The following MYO1B variants were observed in gnomAD, a reference collection of about 807,000 sequenced individuals.
The protein encoded by MYO1B is unconventional myosin-Ib.
In MYO1B, 72 loss-of-function variants were observed where a neutral mutation model predicts 159.7. That is an observed-to-expected ratio of 0.45 (90% confidence interval 0.37 to 0.55). The LOEUF (loss-of-function observed/expected upper bound fraction) is 0.55, where lower values mean the gene tolerates loss of function less well. Among genes scored for constraint, MYO1B ranks in the 20% least tolerant of loss-of-function variants. The pLI, the probability that MYO1B is intolerant of heterozygous loss-of-function variation, is 0.00. For missense variants in MYO1B, 1,062 were observed against 1,364.8 expected, an observed-to-expected ratio of 0.78 and a Z score of 3.50; for synonymous variants, 468 against 473.8, an observed-to-expected ratio of 0.99 and a Z score of 0.16.
chr2:191,386,095 G>C lies in MYO1B; in HGVS notation c.1554+11G>C. The C allele has an allele frequency of 6.2e-7, 1 of 1,613,462 alleles. No homozygotes were observed. The highest frequency in any genetic ancestry group is 8.5e-7 in the Non-Finnish European group (1 of 1,179,610). On this transcript the variant is annotated intron_variant, in intron 16 of 30. Transcript: ENST00000392318. ...CATTATGCTGGAAAGGTATGGGGGA[G>C]CTGTGAGCACCCAGTCAGGCCTGCC...
chr2:191,360,625 C>G lies in MYO1B; in HGVS notation c.563-6C>G. ...TGCCATACTATGATTTAACTCTTCT[C>G]TTTAGATCTTTTAGAGAAATCTCGG... On this transcript the variant is annotated splice_polypyrimidine_tract_variant and splice_region_variant and intron_variant, in intron 7 of 30. Transcript: ENST00000392318. 1.9e-6 allele frequency: 3 copies of G among 1,591,928 alleles called. No homozygotes were observed. In the South Asian group the frequency reaches 3.3e-5, roughly 18 times the overall value.
intron 2 of MYO1B, among the ~76,000 whole-genome samples, chr2:191,293,543 G>A (rs1688804960): frequency 6.6e-6 from 1 of 152,176 alleles, no homozygotes; most frequent in Non-Finnish European, 1.5e-5. Flanking sequence ...TGCTCAATAA[G>A]GAGTGGATTA....
intron 7 of MYO1B, among the ~76,000 whole-genome samples, chr2:191,359,879 TC>T (rs1275763977): frequency 6.6e-6 from 1 of 152,220 alleles, no homozygotes; most frequent in African/African-American, 2.4e-5. Flanking sequence ...ATCCTCGTCA[TC>T]CCTCCCTTCC....
chr2:191,358,134 T>C (rs1177833648), intron 7 of MYO1B, among the ~76,000 whole-genome samples: 1 of 152,094 alleles, frequency 6.6e-6, no homozygotes, highest in Non-Finnish European at 1.5e-5. Flanking sequence ...TTATAAAGAC[T>C]GTAAGCATGA....
chr2:191,372,032 A>G (rs1202521064), intron 13 of MYO1B, among the ~76,000 whole-genome samples: 1 of 152,256 alleles, frequency 6.6e-6, no homozygotes, highest in Admixed American at 6.5e-5. Flanking sequence ...ACCTCAAGTT[A>G]CTATCACTAA....
rs535957720 is a variant in MYO1B at position 191,409,836 on chromosome 2, C to G, written c.2766+658C>G. On this transcript the variant is annotated intron_variant, in intron 26 of 30. Transcript: ENST00000392318. ...ATAGATGTTGACCTTACTTCGATAA[C>G]CTAGTCAGTTGATATGTGGAATGTT... Among the ~76,000 whole-genome samples the G allele has an allele frequency of 6.6e-4, 100 of 152,220 alleles. 1 individual carries two copies. The highest frequency in any genetic ancestry group is 1.6e-3 in the Admixed American group (24 of 15,304).
intron 3 of MYO1B, among the ~76,000 whole-genome samples, chr2:191,296,703 C>T (rs1689005089): frequency 6.6e-6 from 1 of 152,202 alleles, no homozygotes; most frequent in African/African-American, 2.4e-5. Flanking sequence ...AGTGATTTCA[C>T]TTACTCTGGA....
intron 6 of MYO1B, among the ~76,000 whole-genome samples, chr2:191,349,754 A>C (rs1692793974): frequency 6.6e-6 from 1 of 152,234 alleles, no homozygotes; most frequent in Non-Finnish European, 1.5e-5. Flanking sequence ...GATATGTTTC[A>C]AGTTCCTAGC....
At chr2:191,254,891 A>T (rs1686343981) in intron 1 of MYO1B, among the ~76,000 whole-genome samples, 1 of 152,140 alleles carries the variant, frequency 6.6e-6, no homozygotes, top group African/African-American at 2.4e-5. Context: ...TTAGGTGCCT[A>T]GTATGTTTCA....
chr2:191,329,794 A>T, intron 3 of MYO1B, 141 bp from the exon 4 acceptor site: 1 of 597,186 alleles, frequency 1.7e-6, no homozygotes, highest in Non-Finnish European at 2.9e-6. Flanking sequence ...ATGGATTTTA[A>T]GAATTCAAAG....
chr2:191,401,496 A>G (rs893015094), intron 23 of MYO1B: 1 of 152,232 alleles, frequency 6.6e-6, no homozygotes, highest in African/African-American at 2.4e-5. Flanking sequence ...CCCCAGGCAT[A>G]GTCGTGGGCT....
chr2:191,366,525 T>C (rs1353089542), intron 11 of MYO1B, among the ~76,000 whole-genome samples: 1 of 152,090 alleles, frequency 6.6e-6, no homozygotes, highest in Non-Finnish European at 1.5e-5. Context: ...AGCATCATCT[T>C]TATTGCCCCA....
At chr2:191,299,034 G>A (rs1466635613) in intron 3 of MYO1B, among the ~76,000 whole-genome samples, 1 of 152,120 alleles carries the variant, frequency 6.6e-6, no homozygotes. Flanking sequence ...TTGTCCACAT[G>A]CTCTTTTTGC....
At chr2:191,394,401 T>C (rs1260981105) in intron 20 of MYO1B, among the ~76,000 whole-genome samples, 1 of 152,216 alleles carries the variant, frequency 6.6e-6, no homozygotes, top group Non-Finnish European at 1.5e-5. Flanking sequence ...AGGAGCCCTT[T>C]TTATAATTTC....
intron 3 of MYO1B, among the ~76,000 whole-genome samples, chr2:191,329,438 T>C (rs1192241879): frequency 2.0e-5 from 3 of 151,972 alleles, no homozygotes; most frequent in African/African-American, 7.2e-5. Flanking sequence ...TTCCCTCATA[T>C]TGAAACTTCA....
At chr2:191,380,317 G>T (rs1694963267) in intron 13 of MYO1B, among the ~76,000 whole-genome samples, 1 of 152,128 alleles carries the variant, frequency 6.6e-6, no homozygotes, top group Non-Finnish European at 1.5e-5. Context: ...GGATTTGAAG[G>T]CCAGTGGCTC....
At chr2:191,333,369 T>A (rs754707695) in intron 4 of MYO1B, among the ~76,000 whole-genome samples, 1 of 152,186 alleles carries the variant, frequency 6.6e-6, no homozygotes, top group Non-Finnish European at 1.5e-5. Flanking sequence ...TACCCTCTTA[T>A]AACCAATCTT....
Position 191,379,898 on chromosome 2 carries a change from C to T in MYO1B, c.1186-1564C>T, listed in dbSNP as rs375567033. 1.0e-3 allele frequency among the ~76,000 whole-genome samples: 156 copies of T among 152,166 alleles called. 7 individuals are homozygous for T. The South Asian group carries it at 0.03, about 29-fold the overall frequency. ...TTTCTAATTGAAATTGTTAGCTCTG[C>T]GAATTTGAGCACAGGGTTTTAAAAA... On this transcript the variant is annotated intron_variant, in intron 13 of 30. Transcript: ENST00000392318.
chr2:191,390,345 T>G lies in MYO1B; in HGVS notation c.1835T>G (p.Val612Gly). 1 of 1,614,248 alleles carries G rather than the reference T, an allele frequency of 6.2e-7. No individual in the cohort carries two copies. The highest frequency in any genetic ancestry group is 8.5e-7 in the Non-Finnish European group (1 of 1,180,042). Residue 612 changes from valine to glycine, a missense_variant, in exon 18 of 31, where the codon GTG becomes GGG. Val to Gly is a moderately radical substitution (Grantham distance 109). Transcript: ENST00000392318. ...GCACACATCTTCAACGAGGCTCTAG[T>G]GTGTCATCAGATCAGGTACCTGGGG... ...KAAHIFNEAL[V>G]CHQIRYLGLL...
Sources: gnomAD v4.1 joint callset for allele counts (sites outside exome capture counted in the v4.1 genomes callset) on GRCh38, gnomAD v4.1.1 for gene constraint, MANE v1.5 for transcripts, NCBI Gene and HGNC (gene_info 2026-07-23, HGNC 2026-07-21) for gene names.